Variants in NRDC observed in about 807,000 individuals in gnomAD.
NRDC encodes nardilysin convertase.
In NRDC, 54 loss-of-function variants were observed where a neutral mutation model predicts 147.1. The observed-to-expected ratio is 0.37, with a 90% CI of 0.29 to 0.46. The LOEUF (loss-of-function observed/expected upper bound fraction) is 0.46. Ranked by LOEUF, NRDC falls within the 20% of genes least tolerant of loss-of-function variation. The pLI, the probability that NRDC is intolerant of heterozygous loss-of-function variation, is 1.00. For synonymous variants in NRDC, 440 were observed against 482.1 expected (o/e 0.91, Z 1.14); for missense variants, 1,082 against 1,370.6 (o/e 0.79, Z 3.33).
rs747654031 is a variant in NRDC at position 51,816,338 on chromosome 1, G to C, written c.1413C>G (p.Gly471=). ...TTTTCCTAAGGAAAGAAAGAATGCT[G>C]CCTTTGCCTTCATGTCCAACCAGCC... is the stretch of plus-strand genomic sequence containing the variant. ...ISWLVGHEGK[G]SILSFLRKKC... Residue 471 remains glycine, a synonymous_variant, in exon 11 of 31, where the codon GGC becomes GGG. Transcript: ENST00000352171. The C allele has an allele frequency of 9.4e-6, 15 of 1,600,072 alleles. No individual in the cohort carries two copies. The highest frequency in any genetic ancestry group is 1.2e-5 in the Non-Finnish European group (14 of 1,172,838).
intron 1 of NRDC, among the ~76,000 whole-genome samples, chr1:51,863,013 G>GAAAAAAAAAAAAAA (rs562410956): frequency 1.2e-4 from 4 of 32,050 alleles, no homozygotes; most frequent in East Asian, 1.0e-3. Flanking sequence ...CTGTGTGGAG[G>GAAAAAAAAAAAAAA]AAAAAAAAAA....
chr1:51,802,271 G>T (rs1679245227), intron 20 of NRDC, among the ~76,000 whole-genome samples: 2 of 151,998 alleles, frequency 1.3e-5, no homozygotes, highest in African/African-American at 4.8e-5. Flanking sequence ...CCTGGTACTT[G>T]AATTATTCTT....
chr1:51,789,324 AGAG>A lies in NRDC; in HGVS notation c.3365_3367del (p.Pro1122del). The A allele has an allele frequency of 2.5e-6, 4 of 1,614,062 alleles. No homozygotes were observed. The highest frequency in any genetic ancestry group is 3.4e-6 in the Non-Finnish European group (4 of 1,179,878). On this transcript the variant is annotated inframe_deletion, in exon 31 of 31. Coordinates refer to ENST00000352171, the MANE Select transcript of NRDC (RefSeq NM_001101662.2). Reference sequence around the variant, plus strand: ...AATGGGGATGATACAATCTGCCAGCAGAGGAGAGGTTGGCAGGTAGGTCAGCTG... The same window carrying A: ...AATGGGGATGATACAATCTGCCAGCAGAGAGGTTGGCAGGTAGGTCAGCTG...
chr1:51,877,994 C>G, intron 1 of NRDC: 1 of 1,290,124 alleles, frequency 7.8e-7, no homozygotes, highest in South Asian at 2.0e-5. Context: ...ATTCAGGCTG[C>G]GTTCCTCAAA....
Position 51,789,599 on chromosome 1 carries a change from CTA to C in NRDC, c.3225_3226del (p.His1075GlnfsTer6). The C allele has an allele frequency of 6.2e-7, 1 of 1,613,768 alleles. No individual in the cohort carries two copies. Among genetic ancestry groups the C allele is most frequent in the Non-Finnish European group, 8.5e-7 (1 of 1,179,678 alleles). Reference sequence around the variant, plus strand: ...GCTGAGCATTTTACTTCCTGGCCCTCTATGGGCCTTGAACCAGTTGACCAGGT... The same window carrying C: ...GCTGAGCATTTTACTTCCTGGCCCTCTGGGCCTTGAACCAGTTGACCAGGT... On this transcript the variant is annotated frameshift_variant, in exon 30 of 31. Transcript: ENST00000352171. LOFTEE classifies it high-confidence loss of function.
In NRDC at chr1:51,834,581, G is replaced by C. The variant is rs375583588; in HGVS notation, c.713-411C>G. 1.5e-4 allele frequency among the ~76,000 whole-genome samples: 23 copies of C among 152,146 alleles called. No homozygotes were observed. The East Asian group carries it at 3.5e-3, about 23-fold the overall frequency. The stretch of plus-strand genomic sequence containing the variant: ...TCTGCCCACCTCGGCCTCCCAAAGT[G>C]CTGGGATTACAGGCGTGAGCCACCA... On this transcript the variant is annotated intron_variant, in intron 3 of 30. Transcript: ENST00000352171.
At chr1:51,791,907 A>G in intron 26 of NRDC, 139 bp downstream of exon 26, 1 of 912,758 alleles carries the variant, frequency 1.1e-6, no homozygotes, top group Non-Finnish European at 1.7e-6. Context: ...ACAAATTCCA[A>G]AAGTTTGGAT....
At chr1:51,798,488 C>T in intron 21 of NRDC, 77 bp from the exon 22 acceptor site, 1 of 1,266,552 alleles carries the variant, frequency 7.9e-7, no homozygotes, top group Non-Finnish European at 1.1e-6. Flanking sequence ...AATGTTTGGT[C>T]AAAGTTCTAT....
intron 3 of NRDC, 96 bp downstream of exon 3, chr1:51,836,035 C>G: frequency 2.1e-6 from 2 of 939,268 alleles, no homozygotes; most frequent in South Asian, 2.9e-5. Flanking sequence ...ATATATCATA[C>G]TTCTGTCAAA....
intron 1 of NRDC, among the ~76,000 whole-genome samples, chr1:51,869,562 C>G (rs1031889442): frequency 6.7e-6 from 1 of 148,572 alleles, no homozygotes; most frequent in Non-Finnish European, 1.5e-5. Context: ...CAGAGAAGAT[C>G]TCTCTATTTC....
chr1:51,833,460 CATA>C (rs1428269855), intron 4 of NRDC, among the ~76,000 whole-genome samples: 1 of 147,598 alleles, frequency 6.8e-6, no homozygotes, highest in Admixed American at 6.8e-5. Context: ...AAAAAAAAGT[CATA>C]ATGAGTCAAC....
At chr1:51,873,494 TA>T (rs1417997353) in intron 1 of NRDC, among the ~76,000 whole-genome samples, 1 of 149,510 alleles carries the variant, frequency 6.7e-6, no homozygotes, top group Non-Finnish European at 1.5e-5. Flanking sequence ...TTTATTTATT[TA>T]TTTATTTATT....
At chr1:51,836,269 G>T (rs187335913) in intron 2 of NRDC, 57 bp from the exon 3 acceptor site, 11 of 1,581,142 alleles carry the variant, frequency 7.0e-6, no homozygotes, top group Admixed American at 3.4e-5. Context: ...AATAATATTC[G>T]CATCTTATCT....
At chr1:51,791,065 A>G in intron 27 of NRDC, 75 bp from the exon 28 acceptor site, 1 of 981,516 alleles carries the variant, frequency 1.0e-6, no homozygotes, top group Admixed American at 2.1e-5. Flanking sequence ...GATCTCAGGC[A>G]GAAGGCAAAA....
chr1:51,844,698 G>A (rs983713128), intron 1 of NRDC, among the ~76,000 whole-genome samples: 2 of 149,018 alleles, frequency 1.3e-5, no homozygotes, highest in Non-Finnish European at 3.0e-5. Context: ...GAGCCGAGAT[G>A]GCGCCACTGC....
At chr1:51,800,310 T>G (rs1679132578) in intron 21 of NRDC, among the ~76,000 whole-genome samples, 3 of 152,200 alleles carry the variant, frequency 2.0e-5, no homozygotes, top group Admixed American at 2.0e-4. Context: ...GTATAATGAT[T>G]GGTGAAAACA....
intron 1 of NRDC, among the ~76,000 whole-genome samples, chr1:51,852,723 G>A (rs1399686574): frequency 1.3e-5 from 2 of 151,902 alleles, no homozygotes; most frequent in Non-Finnish European, 2.9e-5. Flanking sequence ...TGATCACACT[G>A]AACTATAAAT....
Position 51,821,540 on chromosome 1 carries a change from A to C in NRDC, c.1175T>G (p.Leu392Trp). 3.1e-6 allele frequency: 5 copies of C among 1,608,866 alleles called. No homozygotes were observed. Among genetic ancestry groups the C allele is most frequent in the Non-Finnish European group, 4.3e-6 (5 of 1,175,332 alleles). ...VVQSKETLDT[L>W]EKWVTEIFSQ... ...GAAGATTTCAGTCACCCACTTTTCCAAAGTATCCAGTGTTTCTTGAGAGGG... is the reference window on the plus strand; with the variant it reads ...GAAGATTTCAGTCACCCACTTTTCCCAAGTATCCAGTGTTTCTTGAGAGGG... The change falls in exon 8 of 31, where the codon TTG (leucine) becomes TGG (tryptophan). Residue 392 changes from leucine (L) to tryptophan (W), a missense_variant. Transcript: ENST00000352171.
chr1:51,859,173 T>C (rs1038173776), intron 1 of NRDC, among the ~76,000 whole-genome samples: 1 of 152,190 alleles, frequency 6.6e-6, no homozygotes, highest in Non-Finnish European at 1.5e-5. Flanking sequence ...AATGATAGTC[T>C]GAATGGGGAA....
Sources: gnomAD v4.1 joint callset for allele counts (sites outside exome capture counted in the v4.1 genomes callset) on GRCh38, gnomAD v4.1.1 for gene constraint, MANE v1.5 for transcripts, NCBI Gene and HGNC (gene_info 2026-07-23, HGNC 2026-07-21) for gene names.